Variants in ANKFN1 observed in about 807,000 individuals in gnomAD.
ANKFN1 encodes the protein ankyrin repeat and fibronectin type III domain containing 1, also known as ankyrin repeat and fibronectin type-III domain-containing protein 1.
ANKFN1 carries 74 observed loss-of-function variants against 108.7 expected under a neutral mutation model. The ratio of observed to expected loss-of-function variants is 0.68; its 90% CI spans 0.56 to 0.83. ANKFN1 has a LOEUF of 0.83. Ranked by LOEUF, ANKFN1 falls within the 40% of genes least tolerant of loss-of-function variation. ANKFN1 has a pLI of 0.00. For missense variants in ANKFN1, 1,505 were observed against 1,382.3 expected, an observed-to-expected ratio of 1.09 and a Z score of -1.41; for synonymous variants, 547 against 516.2, an observed-to-expected ratio of 1.06 and a Z score of -0.81.
At chr17:56,107,880 T>G (rs1247679318) in intron 4 of ANKFN1, among the ~76,000 whole-genome samples, 2 of 152,214 alleles carry the variant, frequency 1.3e-5, no homozygotes, top group Non-Finnish European at 2.9e-5. Context: ...TTTATTTTTT[T>G]GAGACAAAGT....
At chr17:56,081,708 T>C (rs752302438) in intron 4 of ANKFN1, among the ~76,000 whole-genome samples, 4 of 152,198 alleles carry the variant, frequency 2.6e-5, no homozygotes, top group Non-Finnish European at 5.9e-5. Context: ...CCATTTCCCT[T>C]GATTCTTCCC....
chr17:56,380,990 G>A (rs969190823), intron 8 of ANKFN1, among the ~76,000 whole-genome samples: 1 of 152,190 alleles, frequency 6.6e-6, no homozygotes, highest in African/African-American at 2.4e-5. Flanking sequence ...CTCCTCAAGT[G>A]GGTCCCTGAC....
chr17:56,150,183 A>G (rs1908514025), upstream of ANKFN1, among the ~76,000 whole-genome samples: 1 of 152,248 alleles, frequency 6.6e-6, no homozygotes, highest in African/African-American at 2.4e-5. Flanking sequence ...ACAAAGTGGC[A>G]GCCCAGAAAC....
chr17:56,142,163 T>A (rs1907964719), intron 4 of ANKFN1, among the ~76,000 whole-genome samples: 1 of 152,080 alleles, frequency 6.6e-6, no homozygotes, highest in Non-Finnish European at 1.5e-5. Context: ...TCTCTTGACC[T>A]CATGATCTGC....
intron 1 of ANKFN1, among the ~76,000 whole-genome samples, chr17:56,167,201 TTACA>T (rs1340062202): frequency 1.3e-5 from 2 of 149,626 alleles, no homozygotes; most frequent in Non-Finnish European, 3.0e-5. Context: ...TACATATATG[TTACA>T]TATATATACA....
intron 8 of ANKFN1, among the ~76,000 whole-genome samples, chr17:56,434,668 G>A (rs890809940): frequency 6.6e-6 from 1 of 151,984 alleles, no homozygotes; most frequent in Non-Finnish European, 1.5e-5. Context: ...TTTCACGTCA[G>A]TTCCTAATTT....
chr17:56,135,615 C>G (rs1250990778), intron 4 of ANKFN1, among the ~76,000 whole-genome samples: 2 of 152,134 alleles, frequency 1.3e-5, no homozygotes, highest in Non-Finnish European at 2.9e-5. Context: ...GGCTTGAAAA[C>G]AATTGTTCCC....
intron 8 of ANKFN1, among the ~76,000 whole-genome samples, chr17:56,424,183 A>G (rs1158673026): frequency 1.3e-5 from 2 of 152,320 alleles, no homozygotes; most frequent in South Asian, 2.1e-4. Context: ...TTTACCCTTC[A>G]TCATGGACCT....
rs1315168359 is a variant in ANKFN1, at chr17:56,114,486, T to C, written c.288+68161T>C. On this transcript the variant is annotated intron_variant, in intron 4 of 12. Coordinates refer to the ANKFN1 transcript ENST00000635860. ...ACTAGAAGTGGTTCATTTGTCATCA[T>C]CCAGATTGGCAAATATTTTAGAGCA... 3.9e-5 allele frequency among the ~76,000 whole-genome samples: 6 copies of C among 152,220 alleles called. No individual in the cohort carries two copies. The East Asian group carries it at 1.2e-3, about 29-fold the overall frequency.
intron 4 of ANKFN1, among the ~76,000 whole-genome samples, chr17:56,071,636 G>T (rs562241217): frequency 6.6e-6 from 1 of 152,142 alleles, no homozygotes; most frequent in South Asian, 2.1e-4. Flanking sequence ...TTGTTTGTTT[G>T]TTTGTTTTTA....
chr17:56,126,024 T>G (rs1427879240), intron 4 of ANKFN1, among the ~76,000 whole-genome samples: 1 of 152,188 alleles, frequency 6.6e-6, no homozygotes, highest in Non-Finnish European at 1.5e-5. Flanking sequence ...ATGTGCTGTC[T>G]CTGGCCCCGC....
chr17:56,383,186 C>T (rs2047157068), intron 8 of ANKFN1, among the ~76,000 whole-genome samples: 1 of 152,002 alleles, frequency 6.6e-6, no homozygotes. Flanking sequence ...CACTCAAAAC[C>T]AGACAACTAC....
At position 56,086,368 on chromosome 17, in the gene ANKFN1, G is replaced by A. The variant is rs1905314530; in HGVS notation, c.288+40043G>A. 1.3e-5 allele frequency among the ~76,000 whole-genome samples: 2 copies of A among 151,280 alleles called. 1 individual carries two copies. Among genetic ancestry groups the A allele is most frequent in the Non-Finnish European group, 3.0e-5 (2 of 67,728 alleles). ...TGCACTGAGCCAAGATCACACCATT[G>A]CACTCCAGCCTGGGCAACAAGAGCA... is the stretch of plus-strand genomic sequence containing the variant. On this transcript the variant is annotated intron_variant, in intron 4 of 12. Coordinates refer to the ANKFN1 transcript ENST00000635860.
intron 4 of ANKFN1, among the ~76,000 whole-genome samples, chr17:56,122,693 A>G (rs185375977): frequency 1.2e-3 from 176 of 152,370 alleles, no homozygotes; most frequent in African/African-American, 4.1e-3. Flanking sequence ...TCTGGCCATC[A>G]GAAAGAAAGA....
At chr17:56,124,506 G>A (rs1906808751) in intron 4 of ANKFN1, among the ~76,000 whole-genome samples, 1 of 152,176 alleles carries the variant, frequency 6.6e-6, no homozygotes, top group Non-Finnish European at 1.5e-5. Context: ...GGTTTACTCA[G>A]CCCACTGTTT....
At chr17:56,414,628 G>A (rs1035872001) in intron 8 of ANKFN1, among the ~76,000 whole-genome samples, 1 of 152,152 alleles carries the variant, frequency 6.6e-6, no homozygotes, top group African/African-American at 2.4e-5. Context: ...GTCAGTTAAT[G>A]TAATATATCA....
At chr17:56,505,675 G>T (rs955394616) in intron 20 of ANKFN1, among the ~76,000 whole-genome samples, 4 of 152,160 alleles carry the variant, frequency 2.6e-5, no homozygotes, top group African/African-American at 7.2e-5. Flanking sequence ...CAGTTACAGA[G>T]ATATAAATAC....
At chr17:56,049,394 A>ATT (rs10626731) in intron 4 of ANKFN1, among the ~76,000 whole-genome samples, 80,288 of 151,234 alleles carry the variant, frequency 0.53, 23,136 homozygotes, top group Middle Eastern at 0.67. Flanking sequence ...TTGATAAATG[A>ATT]TTTTTTTTTA....
At position 56,326,299 on chromosome 17, in the gene ANKFN1, A is replaced by C; in HGVS notation, c.132A>C (p.Glu44Asp). The C allele has an allele frequency of 6.2e-7, 1 of 1,614,000 alleles. No individual in the cohort carries two copies. The change falls in exon 4 of 21, where the codon GAA becomes GAC. Residue 44 changes from glutamate to aspartate, a missense_variant. Glu to Asp is a conservative substitution (Grantham distance 45). Transcript: ENST00000682825. The part of the protein sequence containing the change: ...RKQSQCDLLN[E>D]STGQLPTTCS... ...AAAGCCAATGTGATTTATTGAATGA[A>C]AGCACTGGACAATTACCAACAACTT...
Sources: allele counts gnomAD v4.1 joint callset (sites outside exome capture counted in the v4.1 genomes callset), GRCh38; gene constraint gnomAD v4.1.1; transcripts MANE v1.5; gene names NCBI Gene and HGNC (gene_info 2026-07-23, HGNC 2026-07-21).